RERG: variants seen among roughly 807,000 people sequenced by gnomAD.
RERG encodes ras-related and estrogen-regulated growth inhibitor.
Under a neutral mutation model 23.2 loss-of-function variants are expected in RERG, and 25 were observed. The observed-to-expected ratio is 1.08, with a 90% CI of 0.79 to 1.50. RERG has a LOEUF of 1.50. Among genes scored for constraint, RERG ranks in the 40% most tolerant of loss-of-function variants. The pLI, the probability that RERG is intolerant of heterozygous loss-of-function variation, is 0.00. For missense variants in RERG, 253 were observed against 250.1 expected (o/e 1.01, Z -0.08); for synonymous variants, 81 against 89.1 (o/e 0.91, Z 0.51).
At chr12:15,205,801 C>T (rs987019756) in intron 2 of RERG, among the ~76,000 whole-genome samples, 6 of 151,976 alleles carry the variant, frequency 3.9e-5, no homozygotes, top group African/African-American at 1.4e-4. Context: ...ATCTTTGTAC[C>T]TAAAACAGTG....
At chr12:15,121,270 T>G (rs1863827334) in intron 2 of RERG, 151 bp from the exon 3 acceptor site, 2 of 619,698 alleles carry the variant, frequency 3.2e-6, no homozygotes, top group Non-Finnish European at 5.5e-6. Context: ...TTATGTTTAT[T>G]CAAGTAATTT....
chr12:15,118,669 G>C (rs974749665), intron 3 of RERG, among the ~76,000 whole-genome samples: 13 of 150,142 alleles, frequency 8.7e-5, no homozygotes, highest in African/African-American at 3.2e-4. Flanking sequence ...ACAATAGTGA[G>C]TTCTAGTGGG....
chr12:15,146,747 C>T (rs1864339633), intron 2 of RERG, among the ~76,000 whole-genome samples: 1 of 152,190 alleles, frequency 6.6e-6, no homozygotes, highest in South Asian at 2.1e-4. Flanking sequence ...TGGGACCCAT[C>T]TAAACTGACA....
intron 1 of RERG, among the ~76,000 whole-genome samples, chr12:15,220,247 T>C (rs999491455): frequency 1.3e-5 from 2 of 152,204 alleles, no homozygotes; most frequent in African/African-American, 4.8e-5. Context: ...AAATTTGCCA[T>C]TCACTTTTTA....
chr12:15,209,096 G>A (rs1372994378), intron 2 of RERG, among the ~76,000 whole-genome samples: 2 of 152,300 alleles, frequency 1.3e-5, no homozygotes, highest in East Asian at 1.9e-4. Flanking sequence ...CCAACTGCTG[G>A]ACTGAGTGTA....
At chr12:15,149,022 C>A (rs1365024357) in intron 2 of RERG, among the ~76,000 whole-genome samples, 1 of 151,614 alleles carries the variant, frequency 6.6e-6, no homozygotes, top group South Asian at 2.1e-4. Flanking sequence ...GCGCCCGCCA[C>A]CACGCCCGGC....
intron 2 of RERG, among the ~76,000 whole-genome samples, chr12:15,169,766 C>A: frequency 6.6e-6 from 1 of 152,152 alleles, no homozygotes; most frequent in Admixed American, 6.6e-5. Flanking sequence ...TCTAGCCAGG[C>A]ATTCATGTGA....
At chr12:15,210,889 C>T (rs1263663747) in intron 2 of RERG, among the ~76,000 whole-genome samples, 1 of 152,124 alleles carries the variant, frequency 6.6e-6, no homozygotes, top group African/African-American at 2.4e-5. Flanking sequence ...AACAAAAAGG[C>T]TCCTTTTTTC....
intron 3 of RERG, among the ~76,000 whole-genome samples, chr12:15,112,108 C>A (rs915858917): frequency 2.0e-5 from 3 of 152,176 alleles, no homozygotes; most frequent in African/African-American, 7.2e-5. Flanking sequence ...CTGCCTTGGT[C>A]CTTCTAAAAA....
intron 2 of RERG, among the ~76,000 whole-genome samples, chr12:15,166,040 T>C (rs563222543): frequency 1.3e-5 from 2 of 152,308 alleles, no homozygotes; most frequent in African/African-American, 2.4e-5. Context: ...CTAGAGATAA[T>C]TCAAAACCCT....
intron 2 of RERG, among the ~76,000 whole-genome samples, chr12:15,149,376 A>T (rs1281034391): frequency 6.6e-6 from 1 of 152,132 alleles, no homozygotes; most frequent in African/African-American, 2.4e-5. Context: ...GTATCTTTAT[A>T]TTTAAAGCCA....
chr12:15,178,832 C>A (rs941309453), intron 2 of RERG, among the ~76,000 whole-genome samples: 8 of 152,108 alleles, frequency 5.3e-5, no homozygotes, highest in African/African-American at 1.2e-4. Context: ...GAAGAGATTA[C>A]CCCTGTCAAT....
At chr12:15,137,708 C>A (rs571776294) in intron 2 of RERG, 1 of 312,806 alleles carries the variant, frequency 3.2e-6, no homozygotes, top group Non-Finnish European at 6.3e-6. Context: ...ATTGTATCTT[C>A]GTTGTCATTC....
At chr12:15,129,843 AC>A (rs1219234935) in intron 2 of RERG, among the ~76,000 whole-genome samples, 1 of 152,062 alleles carries the variant, frequency 6.6e-6, no homozygotes, top group Non-Finnish European at 1.5e-5. Flanking sequence ...TTTTGAGCAT[AC>A]AGGGGTTCTG....
chr12:15,119,969 C>T (rs548286031), intron 3 of RERG, among the ~76,000 whole-genome samples: 7 of 152,010 alleles, frequency 4.6e-5, no homozygotes, highest in East Asian at 1.9e-4. Flanking sequence ...ATACAATTAA[C>T]GAAAAAGTGT....
At chr12:15,215,195 T>C (rs914496912) in intron 2 of RERG, among the ~76,000 whole-genome samples, 7 of 152,220 alleles carry the variant, frequency 4.6e-5, no homozygotes, top group Non-Finnish European at 7.3e-5. Flanking sequence ...TTTCAACCTG[T>C]GCATTTTACA....
chr12:15,159,748 C>T (rs527964887), intron 2 of RERG, among the ~76,000 whole-genome samples: 168 of 152,222 alleles, frequency 1.1e-3, no homozygotes, highest in Non-Finnish European at 1.2e-3. Flanking sequence ...GGTGTGAACC[C>T]GGGAGGCGTA....
chr12:15,138,141 CTGG>C, intron 2 of RERG: 1 of 209,852 alleles, frequency 4.8e-6, no homozygotes, highest in Non-Finnish European at 9.8e-6. Context: ...TATGATATAC[CTGG>C]CTGTCATTCT....
At chr12:15,167,985 T>A (rs2136119617) in intron 2 of RERG, among the ~76,000 whole-genome samples, 1 of 152,298 alleles carries the variant, frequency 6.6e-6, no homozygotes, top group East Asian at 1.9e-4. Flanking sequence ...CACCTCAGTT[T>A]TTCCTTTCAT....
Sources: gnomAD v4.1 joint callset for allele counts (sites outside exome capture counted in the v4.1 genomes callset) on GRCh38, gnomAD v4.1.1 for gene constraint, MANE v1.5 for transcripts, NCBI Gene and HGNC (gene_info 2026-07-23, HGNC 2026-07-21) for gene names.